Variants in DIS3L observed in about 807,000 individuals in gnomAD.
DIS3L encodes the protein DIS3-like exonuclease 1.
A neutral mutation model predicts 120.3 loss-of-function variants in DIS3L; 100 were observed. The ratio of observed to expected loss-of-function variants is 0.83; its 90% confidence interval spans 0.71 to 0.98. The LOEUF is 0.98. Ranked by LOEUF, DIS3L falls within the 50% of genes least tolerant of loss-of-function variation. The pLI is 0.00. For missense variants in DIS3L, 1,196 were observed against 1,314.2 expected (o/e 0.91, Z 1.39); for synonymous variants, 426 against 470.6 (o/e 0.91, Z 1.23).
intron 5 of DIS3L, among the ~76,000 whole-genome samples, chr15:66,312,985 T>A (rs1360011921): frequency 6.6e-6 from 1 of 151,984 alleles, no homozygotes; most frequent in Non-Finnish European, 1.5e-5. Flanking sequence ...TTTAATTTAA[T>A]TTAATTTATT....
chr15:66,314,843 T>C, intron 6 of DIS3L, 193 bp from the exon 7 acceptor site: 1 of 532,616 alleles, frequency 1.9e-6, no homozygotes, highest in East Asian at 2.9e-5. Flanking sequence ...GAAATCTCAA[T>C]ATACAGTATG....
chr15:66,333,009 A>C lies in DIS3L; in HGVS notation c.2862A>C (p.Arg954Ser). Residue 954 changes from arginine (R) to serine (S), a missense_variant, in exon 17 of 17, where the codon AGA becomes AGC. By Grantham distance (110) the Arg-to-Ser change is moderately radical (BLOSUM62 -1). Coordinates refer to ENST00000319212, the MANE Select transcript of DIS3L (RefSeq NM_001143688.3). The part of the protein sequence containing the change: ...TFHLFDHVTV[R>S]ISIQASRCHS... ...TATTTTCTTCTCTATGCTAGGTAAG[A>C]ATATCCATACAGGCCTCACGTTGCC... is the stretch of plus-strand genomic sequence containing the variant. 6.2e-7 allele frequency: 1 copy of C among 1,606,778 alleles called. No individual in the cohort carries two copies.
chr15:66,306,112 G>A (rs1211728992), intron 2 of DIS3L, among the ~76,000 whole-genome samples: 1 of 152,130 alleles, frequency 6.6e-6, no homozygotes, highest in Non-Finnish European at 1.5e-5. Flanking sequence ...CCAAGTAGCT[G>A]GGACTACAGG....
At chr15:66,302,959 A>G (rs980064377) in intron 2 of DIS3L, among the ~76,000 whole-genome samples, 4 of 152,144 alleles carry the variant, frequency 2.6e-5, no homozygotes, top group Admixed American at 6.5e-5. Flanking sequence ...CTGAAACTCT[A>G]TACCCCTTAA....
At chr15:66,330,241 G>A (rs1566961945) in intron 14 of DIS3L, 1 of 970,572 alleles carries the variant, frequency 1.0e-6, no homozygotes, top group Non-Finnish European at 1.2e-6. Flanking sequence ...AGCTTGCAGT[G>A]AGCTGAGATT....
At chr15:66,301,808 G>T (rs2092651080) in intron 2 of DIS3L, among the ~76,000 whole-genome samples, 1 of 152,168 alleles carries the variant, frequency 6.6e-6, no homozygotes, top group Non-Finnish European at 1.5e-5. Flanking sequence ...CACACTCAGA[G>T]TGATTCGCTG....
chr15:66,329,790 T>C (rs1001917614), intron 14 of DIS3L: 3 of 917,974 alleles, frequency 3.3e-6, no homozygotes, highest in South Asian at 4.9e-5. Flanking sequence ...CACGCGCCTG[T>C]AGTCCCAGTT....
At chr15:66,311,962 G>A in intron 5 of DIS3L, 62 bp downstream of exon 5, 2 of 1,583,452 alleles carry the variant, frequency 1.3e-6, no homozygotes, top group South Asian at 1.1e-5. Context: ...TGTAATCCCA[G>A]CACTTTGGCT....
At chr15:66,320,514 A>G (rs1218678339) in intron 8 of DIS3L, 57 bp from the exon 9 acceptor site, 2 of 1,543,280 alleles carry the variant, frequency 1.3e-6, no homozygotes, top group Admixed American at 2.0e-5. Flanking sequence ...TGATGCCTCT[A>G]ATTGACCCAC....
chr15:66,332,555 T>C (rs910717883), intron 15 of DIS3L, among the ~76,000 whole-genome samples, 181 bp from the exon 16 acceptor site: 2 of 148,106 alleles, frequency 1.4e-5, no homozygotes, highest in Non-Finnish European at 3.0e-5. Context: ...TTTTAGGGTC[T>C]TTCTTATCCA....
At chr15:66,320,451 T>C in intron 8 of DIS3L, 120 bp from the exon 9 acceptor site, 2 of 1,099,792 alleles carry the variant, frequency 1.8e-6, no homozygotes, top group Non-Finnish European at 2.5e-6. Context: ...TACACCACTA[T>C]TTGCACCTGG....
In DIS3L at chr15:66,315,123, A is replaced by C. The variant is rs778197377; in HGVS notation, c.902A>C (p.Lys301Thr). ...GDVVVVELLP[K>T]NEWKGRTVAL... The stretch of plus-strand genomic sequence containing the variant: ...GTGGTAGTTGTGGAGCTGCTTCCTA[A>C]AAATGAATGGAAAGGAAGAACCGTA... The change falls in exon 7 of 17, where the codon AAA (lysine) becomes ACA (threonine). Residue 301 changes from lysine (K) to threonine (T), a missense_variant. Coordinates refer to ENST00000319212, the MANE Select transcript of DIS3L (RefSeq NM_001143688.3). The C allele has an allele frequency of 6.2e-7, 1 of 1,614,100 alleles. No individual in the cohort carries two copies. The highest frequency in any genetic ancestry group is 1.1e-5 in the South Asian group (1 of 91,076).
intron 2 of DIS3L, among the ~76,000 whole-genome samples, chr15:66,302,241 G>A (rs1352614703): frequency 2.6e-5 from 4 of 152,136 alleles, no homozygotes; most frequent in Admixed American, 2.0e-4. Flanking sequence ...GGTGGCCTGC[G>A]TCTGTAGTCC....
At chr15:66,298,328 A>C (rs188970673) in intron 2 of DIS3L, among the ~76,000 whole-genome samples, 10 of 152,308 alleles carry the variant, frequency 6.6e-5, no homozygotes, top group African/African-American at 2.4e-4. Flanking sequence ...AAAAGAAAAA[A>C]ATCCTCCTGG....
chr15:66,305,325 A>G (rs533414037), intron 2 of DIS3L, among the ~76,000 whole-genome samples: 8 of 151,908 alleles, frequency 5.3e-5, no homozygotes, highest in Non-Finnish European at 8.8e-5. Context: ...CTTGTTTTCT[A>G]ATAAAGTGTA....
chr15:66,326,108 C>G lies in DIS3L; in HGVS notation c.1945C>G (p.Leu649Val). 6.2e-7 allele frequency: 1 copy of G among 1,614,190 alleles called. No individual in the cohort carries two copies. The highest frequency in any genetic ancestry group is 1.3e-5 in the African/African-American group (1 of 75,048). ...AGCTAAACGAGACGGATGTGGTGCC[C>G]TGGAACTGGAAGGGGTAGAGGTTTG... ...VRAKRDGCGALELEGVEVCVQ... is the reference protein window; with the variant it reads ...VRAKRDGCGAVELEGVEVCVQ... Residue 649 changes from leucine (L) to valine (V), a missense_variant, in exon 12 of 17, where the codon CTG becomes GTG. Coordinates refer to ENST00000319212, the MANE Select transcript of DIS3L (RefSeq NM_001143688.3).
At chr15:66,316,094 T>C (rs1306654651) in intron 7 of DIS3L, among the ~76,000 whole-genome samples, 1 of 152,196 alleles carries the variant, frequency 6.6e-6, no homozygotes, top group Non-Finnish European at 1.5e-5. Flanking sequence ...ATTTTAATTT[T>C]AATCTCTGGC....
At position 66,329,069 on chromosome 15, in the gene DIS3L, G is replaced by A. The variant is rs555728862; in HGVS notation, c.2301G>A (p.Ser767=). 13 of 1,614,216 alleles carry A rather than the reference G, an allele frequency of 8.1e-6. No homozygotes were observed. In the East Asian group the frequency reaches 1.3e-4, roughly 17 times the overall value. Residue 767 remains serine (S), a synonymous_variant, in exon 13 of 17, where the codon TCG becomes TCA. Coordinates refer to ENST00000319212, the MANE Select transcript of DIS3L (RefSeq NM_001143688.3). The stretch of plus-strand genomic sequence containing the variant: ...GCTCCATGGCCACGCAGGCCATGTC[G>A]AATGCTCTGTACTTCTCCACCGGAT... The part of the protein sequence containing the change: ...LLRSMATQAM[S]NALYFSTGSC...
intron 10 of DIS3L, 139 bp downstream of exon 10, chr15:66,323,073 C>A: frequency 9.8e-7 from 1 of 1,015,702 alleles, no homozygotes; most frequent in Non-Finnish European, 1.4e-6. Flanking sequence ...TTGAGGTCCA[C>A]TCTCCATTTT....
Sources: gnomAD v4.1 joint callset for allele counts (sites outside exome capture counted in the v4.1 genomes callset) on GRCh38, gnomAD v4.1.1 for gene constraint, MANE v1.5 for transcripts, NCBI Gene and HGNC (gene_info 2026-07-23, HGNC 2026-07-21) for gene names.